The following NR6A1 variants were observed in gnomAD, a reference collection of about 807,000 sequenced individuals.
The protein encoded by NR6A1 is nuclear receptor subfamily 6 group A member 1.
A neutral mutation model predicts 59.1 loss-of-function variants in NR6A1; 7 were observed. That is an observed-to-expected ratio of 0.12 (90% CI 0.07 to 0.22). The LOEUF (loss-of-function observed/expected upper bound fraction) is 0.22. NR6A1 is among the 10% of genes least tolerant of loss of function. The pLI is 1.00. For synonymous variants in NR6A1, 243 were observed against 236.1 expected, an observed-to-expected ratio of 1.03 and a Z score of -0.27; for missense variants, 468 against 611.6, an observed-to-expected ratio of 0.77 and a Z score of 2.48.
rs929061240 is a variant in NR6A1 at position 124,534,502 on chromosome 9, T to C, written c.1079+1376A>G. The stretch of plus-strand genomic sequence containing the variant: ...AGAGTAAATGAGTAAAAAGTGTGCT[T>C]GGACAGGCCCCAGAACAGCAGGGAG... On this transcript the variant is annotated intron_variant, in intron 7 of 9. Coordinates refer to ENST00000487099, the MANE Select transcript of NR6A1 (RefSeq NM_033334.4). Among the ~76,000 whole-genome samples the C allele has an allele frequency of 6.6e-5, 10 of 152,312 alleles. No individual in the cohort carries two copies. The East Asian group carries it at 1.9e-3, about 29-fold the overall frequency.
intron 2 of NR6A1, among the ~76,000 whole-genome samples, chr9:124,580,927 T>G (rs986230800): frequency 6.6e-6 from 1 of 152,122 alleles, no homozygotes; most frequent in Non-Finnish European, 1.5e-5. Context: ...ATGGTACTGG[T>G]ATGAGAACAG....
At chr9:124,601,781 A>G (rs2130823870) in intron 2 of NR6A1, among the ~76,000 whole-genome samples, 1 of 151,834 alleles carries the variant, frequency 6.6e-6, no homozygotes, top group African/African-American at 2.4e-5. Flanking sequence ...TTGGAAACAT[A>G]GGGAGACCCG....
intron 2 of NR6A1, among the ~76,000 whole-genome samples, chr9:124,644,944 A>C (rs1836888313): frequency 6.6e-6 from 1 of 152,230 alleles, no homozygotes. Flanking sequence ...AATATTCAGG[A>C]ATGCACACTA....
At chr9:124,559,528 C>A (rs992552532) in intron 2 of NR6A1, among the ~76,000 whole-genome samples, 4 of 152,146 alleles carry the variant, frequency 2.6e-5, no homozygotes, top group African/African-American at 7.2e-5. Flanking sequence ...GTAATCCCAG[C>A]ACTTTGGGAG....
chr9:124,566,903 T>C (rs1380748301), intron 2 of NR6A1, among the ~76,000 whole-genome samples: 3 of 151,862 alleles, frequency 2.0e-5, no homozygotes, highest in African/African-American at 4.8e-5. Context: ...GGTCAGGAGA[T>C]AGAGACCATC....
At chr9:124,626,803 A>G (rs1836257048) in intron 2 of NR6A1, among the ~76,000 whole-genome samples, 1 of 152,082 alleles carries the variant, frequency 6.6e-6, no homozygotes, top group Non-Finnish European at 1.5e-5. Context: ...GCGTAGGGGC[A>G]CACGCCTGTA....
intron 2 of NR6A1, among the ~76,000 whole-genome samples, chr9:124,723,137 AT>A (rs1839610261): frequency 6.6e-6 from 1 of 152,086 alleles, no homozygotes; most frequent in Non-Finnish European, 1.5e-5. Flanking sequence ...TAGGTCCTTG[AT>A]CATTAGAATA....
At chr9:124,720,117 A>G (rs1400832772) in intron 2 of NR6A1, among the ~76,000 whole-genome samples, 1 of 152,034 alleles carries the variant, frequency 6.6e-6, no homozygotes, top group Non-Finnish European at 1.5e-5. Context: ...ACGCAATCTC[A>G]GCTCACTGCG....
intron 2 of NR6A1, among the ~76,000 whole-genome samples, chr9:124,682,203 T>C (rs989437756): frequency 4.6e-5 from 7 of 152,126 alleles, no homozygotes; most frequent in Non-Finnish European, 8.8e-5. Context: ...GGTTTCACCA[T>C]GTCGGCCAGG....
intron 2 of NR6A1, among the ~76,000 whole-genome samples, chr9:124,581,514 C>T (rs1232012475): frequency 6.6e-6 from 1 of 152,106 alleles, no homozygotes; most frequent in Non-Finnish European, 1.5e-5. Context: ...ATCACTTGAA[C>T]CCAGGAGGGG....
At chr9:124,767,628 A>G (rs1045060353) in intron 1 of NR6A1, among the ~76,000 whole-genome samples, 1 of 152,154 alleles carries the variant, frequency 6.6e-6, no homozygotes, top group African/African-American at 2.4e-5. Flanking sequence ...TTCTGGGGCA[A>G]CTCAGAATTA....
intron 2 of NR6A1, among the ~76,000 whole-genome samples, chr9:124,678,793 T>C (rs1838037562): frequency 1.3e-5 from 2 of 152,226 alleles, no homozygotes; most frequent in Admixed American, 1.3e-4. Context: ...ATCAGTTTGC[T>C]TTCATATAGC....
chr9:124,679,269 A>T (rs1041009879), intron 2 of NR6A1, among the ~76,000 whole-genome samples: 2 of 152,194 alleles, frequency 1.3e-5, no homozygotes, highest in Non-Finnish European at 2.9e-5. Context: ...GACATCGATA[A>T]TCACCTGCCA....
At chr9:124,564,463 T>C (rs1286218427) in intron 2 of NR6A1, among the ~76,000 whole-genome samples, 2 of 152,204 alleles carry the variant, frequency 1.3e-5, no homozygotes, top group African/African-American at 4.8e-5. Flanking sequence ...CCGTTTACAA[T>C]AGCATCAAGA....
At chr9:124,660,469 T>C (rs1340753972) in intron 2 of NR6A1, among the ~76,000 whole-genome samples, 2 of 152,072 alleles carry the variant, frequency 1.3e-5, no homozygotes, top group Non-Finnish European at 1.5e-5. Flanking sequence ...TACCTGGATT[T>C]GAATAGAAAC....
chr9:124,599,537 A>G, intron 2 of NR6A1: 1 of 636,920 alleles, frequency 1.6e-6, no homozygotes, highest in South Asian at 1.5e-5. Context: ...TTCATTCTCA[A>G]TGGAAGTATC....
At chr9:124,757,945 G>A (rs1451463480) in intron 1 of NR6A1, among the ~76,000 whole-genome samples, 2 of 152,166 alleles carry the variant, frequency 1.3e-5, no homozygotes, top group African/African-American at 2.4e-5. Flanking sequence ...CACACTGTAC[G>A]AAAAGCAAAC....
At chr9:124,749,342 T>C (rs1840430687) in intron 1 of NR6A1, among the ~76,000 whole-genome samples, 1 of 152,040 alleles carries the variant, frequency 6.6e-6, no homozygotes, top group Non-Finnish European at 1.5e-5. Context: ...CAGAAAAGAC[T>C]TCTTAATTTA....
chr9:124,658,924 C>A (rs1284515145), intron 2 of NR6A1, among the ~76,000 whole-genome samples: 1 of 152,128 alleles, frequency 6.6e-6, no homozygotes, highest in Admixed American at 6.5e-5. Flanking sequence ...CATCCCATAA[C>A]GCAGCTGGAG....
Sources: gnomAD v4.1 joint callset for allele counts (sites outside exome capture counted in the v4.1 genomes callset) on GRCh38, gnomAD v4.1.1 for gene constraint, MANE v1.5 for transcripts, NCBI Gene and HGNC (gene_info 2026-07-23, HGNC 2026-07-21) for gene names.